Variants in CLASP1 observed in about 807,000 individuals in gnomAD.
CLASP1 encodes the protein CLIP-associating protein 1.
A neutral mutation model predicts 192.3 loss-of-function variants in CLASP1; 38 were observed. The ratio of observed to expected loss-of-function variants is 0.20; its 90% confidence interval spans 0.15 to 0.26. The LOEUF (loss-of-function observed/expected upper bound fraction) is 0.26. Ranked by LOEUF, CLASP1 falls within the 10% of genes least tolerant of loss-of-function variation. CLASP1 has a pLI of 1.00. For missense variants in CLASP1, 1,433 were observed against 1,932.5 expected (o/e 0.74, Z 4.85); for synonymous variants, 691 against 712.8 (o/e 0.97, Z 0.49).
At chr2:121,594,581 C>T (rs926234604) in intron 2 of CLASP1, among the ~76,000 whole-genome samples, 13 of 151,954 alleles carry the variant, frequency 8.6e-5, no homozygotes, top group African/African-American at 2.9e-4. Context: ...TTAGTAGAGA[C>T]GGGGTTTCAC....
chr2:121,534,157 T>C (rs1464468539), intron 2 of CLASP1, among the ~76,000 whole-genome samples: 1 of 152,220 alleles, frequency 6.6e-6, no homozygotes, highest in African/African-American at 2.4e-5. Context: ...TGGGGCCATT[T>C]ATACACTGGG....
At chr2:121,473,890 C>A (rs917806600) in intron 8 of CLASP1, among the ~76,000 whole-genome samples, 2 of 146,996 alleles carry the variant, frequency 1.4e-5, no homozygotes, top group African/African-American at 5.5e-5. Context: ...AATAAAAACT[C>A]AAACAAACAA....
chr2:121,547,985 A>C (rs566135652), intron 2 of CLASP1, among the ~76,000 whole-genome samples: 134 of 152,288 alleles, frequency 8.8e-4, no homozygotes, highest in African/African-American at 2.9e-3. Flanking sequence ...ACAAGCAAAA[A>C]ACCAATGCAA....
Position 121,447,320 on chromosome 2 carries a change from G to T in CLASP1, c.1912+17C>A. The T allele has an allele frequency of 6.3e-7, 1 of 1,582,580 alleles. No homozygotes were observed. Among genetic ancestry groups the T allele is most frequent in the South Asian group, 1.2e-5 (1 of 86,162 alleles). On this transcript the variant is annotated intron_variant, in intron 19 of 39. Transcript: ENST00000263710. Reference sequence around the variant, plus strand: ...CAGAGCAGTGCAGGAGGGAAAGGGTGACAGGGGTGTGGTTACCTAAGGATG... The same window carrying T: ...CAGAGCAGTGCAGGAGGGAAAGGGTTACAGGGGTGTGGTTACCTAAGGATG...
At chr2:121,353,700 T>G (rs1370379086) in intron 37 of CLASP1, among the ~76,000 whole-genome samples, 2 of 152,250 alleles carry the variant, frequency 1.3e-5, no homozygotes, top group Non-Finnish European at 2.9e-5. Context: ...TATCTTTCTA[T>G]TCCCATGACT....
At chr2:121,610,897 T>C (rs1194938363) in intron 1 of CLASP1, among the ~76,000 whole-genome samples, 1 of 67,216 alleles carries the variant, frequency 1.5e-5, no homozygotes, top group Admixed American at 1.6e-4. Flanking sequence ...GGAAGAGGAG[T>C]TACAGGAGGA....
intron 8 of CLASP1, among the ~76,000 whole-genome samples, chr2:121,471,559 C>T (rs1469272946): frequency 6.6e-6 from 1 of 151,840 alleles, no homozygotes; most frequent in Non-Finnish European, 1.5e-5. Context: ...GATCTAGTTG[C>T]TTCTTAAGCT....
chr2:121,439,348 G>A (rs1437763528), intron 19 of CLASP1, among the ~76,000 whole-genome samples: 2 of 151,568 alleles, frequency 1.3e-5, no homozygotes, highest in Non-Finnish European at 2.9e-5. Flanking sequence ...TCTGATTTTA[G>A]TTATTTCTTG....
intron 6 of CLASP1, among the ~76,000 whole-genome samples, chr2:121,524,131 G>A (rs2094519282): frequency 6.6e-6 from 1 of 152,214 alleles, no homozygotes; most frequent in Non-Finnish European, 1.5e-5. Context: ...CACAGGCAGT[G>A]TGAACATTCA....
chr2:121,341,421 C>T (rs2062774471), intron 39 of CLASP1, among the ~76,000 whole-genome samples: 1 of 152,328 alleles, frequency 6.6e-6, no homozygotes, highest in East Asian at 1.9e-4. Flanking sequence ...GCTGGGACTA[C>T]AGGCATGTGA....
chr2:121,608,510 G>A lies in CLASP1; in HGVS notation c.-285-2330C>T, dbSNP rs138349031. Among the ~76,000 whole-genome samples the A allele has an allele frequency of 8.6e-3, 1,315 of 152,296 alleles. 11 individuals carry two copies. The highest frequency in any genetic ancestry group is 0.023 in the South Asian group (112 of 4,826). ...GAAGCTGGCCTAGCCTATTGGACAT[G>A]AGAGGCCACTTGGGGAACCAACATG... On this transcript the variant is annotated intron_variant, in intron 1 of 39. Coordinates refer to ENST00000263710, the Ensembl canonical transcript of CLASP1.
At chr2:121,576,155 T>A (rs1283166389) in intron 2 of CLASP1, among the ~76,000 whole-genome samples, 1 of 152,202 alleles carries the variant, frequency 6.6e-6, no homozygotes, top group Non-Finnish European at 1.5e-5. Context: ...GTAACAACTA[T>A]GTGCCCAGGC....
At chr2:121,570,864 G>A (rs1217810501) in intron 2 of CLASP1, among the ~76,000 whole-genome samples, 3 of 152,002 alleles carry the variant, frequency 2.0e-5, no homozygotes, top group Admixed American at 2.0e-4. Flanking sequence ...GAATATTCCT[G>A]GCTGATTCCC....
intron 30 of CLASP1, among the ~76,000 whole-genome samples, chr2:121,391,866 T>C (rs992449608): frequency 6.6e-6 from 1 of 152,180 alleles, no homozygotes; most frequent in African/African-American, 2.4e-5. Context: ...ATCGTGCCAC[T>C]GTACTCCAGC....
chr2:121,519,421 GCAGATGGGC>G (rs2094405398), intron 6 of CLASP1, among the ~76,000 whole-genome samples: 1 of 152,192 alleles, frequency 6.6e-6, no homozygotes, highest in Admixed American at 6.5e-5. Flanking sequence ...AGGTGCTCAG[GCAGATGGGC>G]CACCACCACC....
chr2:121,430,473 A>G (rs1026372363), intron 19 of CLASP1, among the ~76,000 whole-genome samples: 2 of 152,286 alleles, frequency 1.3e-5, no homozygotes, highest in Non-Finnish European at 2.9e-5. Flanking sequence ...CTCTTCAGAC[A>G]AGGAAGTGAT....
chr2:121,530,675 G>C (rs953643312), intron 2 of CLASP1: 19 of 510,590 alleles, frequency 3.7e-5, no homozygotes, highest in Non-Finnish European at 6.3e-5. Flanking sequence ...AGCGGCCGAC[G>C]CGCGGTCTTC....
intron 8 of CLASP1, among the ~76,000 whole-genome samples, chr2:121,497,044 T>C: frequency 6.6e-6 from 1 of 151,880 alleles, no homozygotes; most frequent in East Asian, 1.9e-4. Context: ...AAGGTAGAGA[T>C]TAGACTGGTA....
intron 34 of CLASP1, 76 bp downstream of exon 35, chr2:121,377,423 G>A: frequency 1.0e-6 from 1 of 1,000,048 alleles, no homozygotes; most frequent in South Asian, 1.7e-5. Context: ...CAGTAATCAT[G>A]ATGGTCAGTG....
Sources: allele counts gnomAD v4.1 joint callset (sites outside exome capture counted in the v4.1 genomes callset), GRCh38; gene constraint gnomAD v4.1.1; transcripts MANE v1.5; gene names NCBI Gene and HGNC (gene_info 2026-07-23, HGNC 2026-07-21).